The following GORAB variants were observed in gnomAD, a reference collection of about 807,000 sequenced individuals.
GORAB encodes the protein RAB6-interacting golgin.
Under a neutral mutation model 29.9 loss-of-function variants are expected in GORAB, and 17 were observed. The observed-to-expected ratio is 0.57, with a 90% CI of 0.39 to 0.85. The LOEUF (loss-of-function observed/expected upper bound fraction) is 0.85. Ranked by LOEUF, GORAB falls within the 40% of genes least tolerant of loss-of-function variation. The pLI is 0.00. For synonymous variants in GORAB, 183 were observed against 157.2 expected (o/e 1.16, Z -1.23); for missense variants, 442 against 437.8 (o/e 1.01, Z -0.09).
chr1:170,545,248 T>C (rs1194991113), intron 4 of GORAB: 18 of 990,462 alleles, frequency 1.8e-5, no homozygotes, highest in Non-Finnish European at 1.6e-5. Flanking sequence ...ATATCTGATA[T>C]AGTCCTATAG....
chr1:170,546,827 G>A (rs1320281474), intron 4 of GORAB, among the ~76,000 whole-genome samples: 2 of 152,002 alleles, frequency 1.3e-5, no homozygotes, highest in South Asian at 2.1e-4. Context: ...CCAACTATAG[G>A]TGCCCACCAC....
In GORAB at chr1:170,542,610, G is replaced by A. The variant is rs543881682; in HGVS notation, c.521+18G>A. 16 of 1,531,306 alleles carry A rather than the reference G, an allele frequency of 1.0e-5. No individual in the cohort carries two copies. In the East Asian group the frequency reaches 2.7e-4, roughly 26 times the overall value. The allele number at this position is 1,531,306 out of a possible 1,614,324, so 94.9% of individuals were successfully genotyped here. A position where few individuals can be genotyped will look rare whatever the true frequency, so the allele number is the denominator to read the frequency against. On this transcript the variant is annotated intron_variant, in intron 3 of 4. Transcript: ENST00000367763. ...GCAGAAAGGTGAGGCACCTGAACCAGGAGAGGCTGTTTGTAACCTGTAACC... is the reference window on the plus strand; with the variant it reads ...GCAGAAAGGTGAGGCACCTGAACCAAGAGAGGCTGTTTGTAACCTGTAACC...
intron 4 of GORAB, among the ~76,000 whole-genome samples, chr1:170,546,529 A>T (rs1423841217): frequency 6.6e-6 from 1 of 152,232 alleles, no homozygotes; most frequent in African/African-American, 2.4e-5. Flanking sequence ...AGAAGGTGGG[A>T]TTACTAAAGG....
chr1:170,539,556 G>A lies in GORAB; in HGVS notation c.408G>A (p.Lys136=), dbSNP rs964155812. ...PPKPDCKLEK[K]KVELQEKSRW... ...AGCCAGATTGCAAATTGGAGAAAAA[G>A]AAAGTGGAATTGTTAGTAAGTCTAT... Residue 136 remains lysine, a synonymous_variant, in exon 2 of 5, where the codon AAG becomes AAA. Transcript: ENST00000367763. The A allele has an allele frequency of 3.7e-6, 6 of 1,613,860 alleles. No individual in the cohort carries two copies. The highest frequency in any genetic ancestry group is 8.5e-7 in the Non-Finnish European group (1 of 1,179,958).
Position 170,552,187 on chromosome 1 carries a change from G to T in GORAB, c.835G>T (p.Asp279Tyr), listed in dbSNP as rs370877475. The T allele has an allele frequency of 7.4e-6, 12 of 1,613,982 alleles. No homozygotes were observed. In the South Asian group the frequency reaches 9.9e-5, roughly 13 times the overall value. The change falls in exon 5 of 5, where the codon GAT becomes TAT. Residue 279 changes from aspartate (D) to tyrosine (Y), a missense_variant. Asp to Tyr is a radical substitution (Grantham distance 160, BLOSUM62 -3). Coordinates refer to ENST00000367763, the MANE Select transcript of GORAB (RefSeq NM_152281.3). ...GATGCAACAACTAGATGTAGAAGCC[G>T]ATGAAGAGACTTTGGAGCTTGAGGT... is the stretch of plus-strand genomic sequence containing the variant. ...ELMQQLDVEADEETLELEVEV... is the reference protein window; with the variant it reads ...ELMQQLDVEAYEETLELEVEV...
intron 1 of GORAB, chr1:170,533,540 A>C (rs1178860224): frequency 2.2e-6 from 1 of 454,940 alleles, no homozygotes; most frequent in Non-Finnish European, 4.4e-6. Flanking sequence ...GTGATAGTAG[A>C]TATTGCAAGA....
intron 1 of GORAB, 40 bp from the exon 2 acceptor site, chr1:170,539,170 G>A: frequency 6.2e-7 from 1 of 1,611,078 alleles, no homozygotes; most frequent in Non-Finnish European, 8.5e-7. Flanking sequence ...ATTATTTGCT[G>A]CCCACACAAA....
At chr1:170,533,065 C>T (rs1432064010) in intron 1 of GORAB, among the ~76,000 whole-genome samples, 1 of 152,176 alleles carries the variant, frequency 6.6e-6, no homozygotes, top group African/African-American at 2.4e-5. Context: ...TGAAATTTCG[C>T]AGTGATCTGT....
chr1:170,532,579 C>T (rs1256691404), intron 1 of GORAB: 3 of 403,644 alleles, frequency 7.4e-6, no homozygotes, highest in East Asian at 5.6e-5. Context: ...AGCCTACAGC[C>T]GGGGTGTCTC....
At chr1:170,546,289 C>G (rs1468592296) in intron 4 of GORAB, among the ~76,000 whole-genome samples, 1 of 151,894 alleles carries the variant, frequency 6.6e-6, no homozygotes, top group Non-Finnish European at 1.5e-5. Flanking sequence ...ACTCAGGAGG[C>G]TGAAGCAGGA....
intron 2 of GORAB, among the ~76,000 whole-genome samples, chr1:170,541,352 C>T (rs1649412971): frequency 2.6e-5 from 4 of 151,918 alleles, no homozygotes; most frequent in Admixed American, 6.6e-5. Context: ...AGCAAGTTAC[C>T]ATGAAGCTCT....
At chr1:170,546,986 T>C (rs890201611) in intron 4 of GORAB, among the ~76,000 whole-genome samples, 1 of 152,078 alleles carries the variant, frequency 6.6e-6, no homozygotes, top group African/African-American at 2.4e-5. Context: ...CGCCTGGCCA[T>C]GTGCTGCTAT....
chr1:170,535,273 CAT>C (rs1202522434), intron 1 of GORAB, among the ~76,000 whole-genome samples: 1 of 152,164 alleles, frequency 6.6e-6, no homozygotes, highest in East Asian at 1.9e-4. Context: ...CTACTACTGT[CAT>C]ATTTTATTTC....
chr1:170,551,999 A>G lies in GORAB; in HGVS notation c.663-16A>G, dbSNP rs1230440370. 1.9e-6 allele frequency: 3 copies of G among 1,608,800 alleles called. No individual in the cohort carries two copies. The highest frequency in any genetic ancestry group is 2.6e-6 in the Non-Finnish European group (3 of 1,175,592). ...ATGGAAAACTGATGGACCTATCTTT[A>G]TACACATCCTTACAGGAAGCGGTTT... On this transcript the variant is annotated splice_polypyrimidine_tract_variant and intron_variant, in intron 4 of 4. Transcript: ENST00000367763.
chr1:170,533,868 T>A (rs1648875819), intron 1 of GORAB, among the ~76,000 whole-genome samples: 1 of 152,176 alleles, frequency 6.6e-6, no homozygotes, highest in African/African-American at 2.4e-5. Flanking sequence ...AACACAGTGA[T>A]TGGCATATAG....
chr1:170,539,416 A>T lies in GORAB; in HGVS notation c.268A>T (p.Thr90Ser), dbSNP rs1195305780. 20 of 1,613,644 alleles carry T rather than the reference A, an allele frequency of 1.2e-5. No individual in the cohort carries two copies. The highest frequency in any genetic ancestry group is 1.6e-5 in the Non-Finnish European group (19 of 1,179,932). The change falls in exon 2 of 5, where the codon ACT (threonine) becomes TCT (serine). Residue 90 changes from threonine (T) to serine (S), a missense_variant. Thr to Ser is a moderately conservative substitution (Grantham distance 58). Transcript: ENST00000367763. Reference protein sequence around the residue: ...FSSPTLPSHFTLTSPVGDGQP... With the variant: ...FSSPTLPSHFSLTSPVGDGQP... ...TTCCCCTACTCTTCCGAGTCATTTC[A>T]CTCTCACCTCCCCCGTTGGTGATGG...
At position 170,532,199 on chromosome 1, in the gene GORAB, T is replaced by TG; in HGVS notation, c.-25_-24insG. The TG allele has an allele frequency of 6.2e-7, 1 of 1,613,838 alleles. No individual in the cohort carries two copies. Among genetic ancestry groups the TG allele is most frequent in the Non-Finnish European group, 8.5e-7 (1 of 1,180,006 alleles). ...TCGCGGCTGCGAGATTTGGGCACTTTTGGGGGTGCCGGTGGCCCGGGCCGA... is the reference window on the plus strand; with the variant it reads ...TCGCGGCTGCGAGATTTGGGCACTTTGTGGGGGTGCCGGTGGCCCGGGCCGA... On this transcript the variant is annotated 5_prime_UTR_variant, in exon 1 of 5. Transcript: ENST00000367763.
At chr1:170,542,647 G>C in intron 3 of GORAB, 55 bp downstream of exon 3, 1 of 1,135,884 alleles carries the variant, frequency 8.8e-7, no homozygotes, top group Admixed American at 1.7e-5. Flanking sequence ...GTTGTGTCAT[G>C]TGTTATATTT....
In GORAB at chr1:170,552,252, AAGG is replaced by A; in HGVS notation, c.903_905del (p.Arg302del). 1 of 1,614,144 alleles carries A rather than the reference AAGG, an allele frequency of 6.2e-7. No homozygotes were observed. Among genetic ancestry groups the A allele is most frequent in the Non-Finnish European group, 8.5e-7 (1 of 1,179,986 alleles). ...TGCTACACGAACAAGAAGTAGAATC[AAGG>A]AGACCAGTGGTTCGTTTAGAGAGGC... is the stretch of plus-strand genomic sequence containing the variant. On this transcript the variant is annotated inframe_deletion, in exon 5 of 5. Transcript: ENST00000367763.
Sources: gnomAD v4.1 joint callset for allele counts (sites outside exome capture counted in the v4.1 genomes callset) on GRCh38, gnomAD v4.1.1 for gene constraint, MANE v1.5 for transcripts, NCBI Gene and HGNC (gene_info 2026-07-23, HGNC 2026-07-21) for gene names.